The following MAD1L1 variants were observed in gnomAD, a reference collection of about 807,000 sequenced individuals.
MAD1L1 encodes mitotic spindle assembly checkpoint protein MAD1.
Under a neutral mutation model 96.9 loss-of-function variants are expected in MAD1L1, and 95 were observed. The observed-to-expected ratio is 0.98, with a 90% CI of 0.83 to 1.16. MAD1L1 has a LOEUF of 1.16. Among genes scored for constraint, MAD1L1 ranks in the 50% most tolerant of loss-of-function variants. The probability of loss-of-function intolerance (pLI) is 0.00; values close to 1 mark genes in which losing one functional copy is unlikely to be tolerated. For missense variants in MAD1L1, 1,007 were observed against 954.4 expected (o/e 1.06, Z -0.73); for synonymous variants, 473 against 396.6 (o/e 1.19, Z -2.29).
intron 10 of MAD1L1, among the ~76,000 whole-genome samples, chr7:2,172,555 G>A (rs891620847): frequency 5.3e-5 from 8 of 152,222 alleles, no homozygotes; most frequent in African/African-American, 9.6e-5. Context: ...AACAGAAAAC[G>A]GGAGGGCGCC....
At chr7:2,133,749 T>C (rs1052879436) in intron 11 of MAD1L1, among the ~76,000 whole-genome samples, 1 of 152,234 alleles carries the variant, frequency 6.6e-6, no homozygotes, top group Non-Finnish European at 1.5e-5. Context: ...TGTCTAGATT[T>C]TTCCCCTGTG....
intron 18 of MAD1L1, among the ~76,000 whole-genome samples, chr7:1,831,001 A>G (rs1289844330): frequency 3.3e-5 from 5 of 152,296 alleles, no homozygotes; most frequent in African/African-American, 1.2e-4. Context: ...TAAGAAGCAC[A>G]TTTTAACTAT....
intron 10 of MAD1L1, among the ~76,000 whole-genome samples, chr7:2,168,357 T>TG (rs971882255): frequency 3.3e-5 from 5 of 152,048 alleles, no homozygotes; most frequent in African/African-American, 1.2e-4. Context: ...AAAGGCAATG[T>TG]GGGAACAAAG....
chr7:1,894,267 C>A (rs987456215), intron 18 of MAD1L1, among the ~76,000 whole-genome samples: 1 of 152,192 alleles, frequency 6.6e-6, no homozygotes, highest in Non-Finnish European at 1.5e-5. Context: ...AACGGCCTCA[C>A]CCAGTGAAGG....
chr7:1,836,218 T>C (rs542549371), intron 18 of MAD1L1, among the ~76,000 whole-genome samples: 72 of 152,202 alleles, frequency 4.7e-4, no homozygotes, highest in Middle Eastern at 3.4e-3. Flanking sequence ...GATGGGGTTT[T>C]ACCATGTTGG....
chr7:1,885,518 G>T lies in MAD1L1; in HGVS notation c.1998+12682C>A, dbSNP rs562218040. 3.3e-5 allele frequency among the ~76,000 whole-genome samples: 5 copies of T among 152,290 alleles called. No individual in the cohort carries two copies. In the East Asian group the frequency reaches 9.7e-4, roughly 29 times the overall value. On this transcript the variant is annotated intron_variant, in intron 18 of 18. Coordinates refer to ENST00000265854, the MANE Select transcript of MAD1L1 (RefSeq NM_001013836.2). Reference sequence around the variant, plus strand: ...GGGCCACAGGGGTGCGGTCGGAAGGGCAGATTTCAGGCGAATGTGTGACAC... The same window carrying T: ...GGGCCACAGGGGTGCGGTCGGAAGGTCAGATTTCAGGCGAATGTGTGACAC...
intron 11 of MAD1L1, among the ~76,000 whole-genome samples, chr7:2,112,875 A>AG (rs200220537): frequency 0.027 from 4,047 of 152,086 alleles, 95 homozygotes; most frequent in South Asian, 0.088. Context: ...AAAAAAAAAA[A>AG]GGCTTTAAAA....
intron 17 of MAD1L1, among the ~76,000 whole-genome samples, chr7:1,924,981 AC>A (rs1181341587): frequency 6.6e-6 from 1 of 152,232 alleles, no homozygotes; most frequent in East Asian, 1.9e-4. Flanking sequence ...AGACATAGAT[AC>A]ATCAAAATGG....
At chr7:1,965,712 C>T (rs992708980) in intron 15 of MAD1L1, among the ~76,000 whole-genome samples, 8 of 152,262 alleles carry the variant, frequency 5.3e-5, no homozygotes, top group African/African-American at 1.4e-4. Flanking sequence ...AGGCAGGAGC[C>T]GTGCTCTCTG....
chr7:1,865,149 G>C (rs951490056), intron 18 of MAD1L1, among the ~76,000 whole-genome samples: 2 of 152,148 alleles, frequency 1.3e-5, no homozygotes, highest in African/African-American at 4.8e-5. Flanking sequence ...TGGGACTCCC[G>C]GAAGGGGGCA....
intron 10 of MAD1L1, among the ~76,000 whole-genome samples, chr7:2,158,424 G>C (rs1478432368): frequency 6.6e-6 from 1 of 152,164 alleles, no homozygotes. Context: ...GACACCTCAA[G>C]CTTTCAAAGA....
At chr7:1,920,011 AGGTCCCCAGTGACACG>A (rs1788676348) in intron 17 of MAD1L1, among the ~76,000 whole-genome samples, 3 of 5,478 alleles carry the variant, frequency 5.5e-4, no homozygotes, top group African/African-American at 2.3e-3. Flanking sequence ...AGTGACACGG[AGGTCCCCAGTGACACG>A]GAGGTCCCCA....
At chr7:2,197,622 G>A (rs1389143541) in intron 10 of MAD1L1, among the ~76,000 whole-genome samples, 1 of 152,162 alleles carries the variant, frequency 6.6e-6, no homozygotes, top group East Asian at 1.9e-4. Flanking sequence ...GTGAGGCACT[G>A]GCCCTCAGGC....
intron 12 of MAD1L1, among the ~76,000 whole-genome samples, chr7:2,059,695 T>C (rs188056829): frequency 6.6e-6 from 1 of 150,532 alleles, no homozygotes; most frequent in Non-Finnish European, 1.5e-5. Flanking sequence ...CAGGGAAGCG[T>C]AGCCAGGGGA....
At chr7:1,887,202 G>A (rs984600913) in intron 18 of MAD1L1, among the ~76,000 whole-genome samples, 3 of 152,248 alleles carry the variant, frequency 2.0e-5, no homozygotes, top group Admixed American at 1.3e-4. Flanking sequence ...AGAGACAGAG[G>A]CCAACTGTGA....
chr7:2,144,167 C>G (rs1198882806), intron 11 of MAD1L1, among the ~76,000 whole-genome samples: 1 of 152,202 alleles, frequency 6.6e-6, no homozygotes, highest in Non-Finnish European at 1.5e-5. Context: ...GCTGTTTAGC[C>G]CGGGGCTCAA....
At chr7:1,930,826 G>A (rs1483765824) in intron 17 of MAD1L1, among the ~76,000 whole-genome samples, 1 of 152,052 alleles carries the variant, frequency 6.6e-6, no homozygotes, top group Non-Finnish European at 1.5e-5. Flanking sequence ...CTGCAGACCT[G>A]CTGGCCTGAA....
At chr7:2,017,927 G>C (rs1014852638) in intron 12 of MAD1L1, among the ~76,000 whole-genome samples, 1 of 152,150 alleles carries the variant, frequency 6.6e-6, no homozygotes, top group Non-Finnish European at 1.5e-5. Context: ...CCTGGGCTTG[G>C]GAAGGGCAGG....
At chr7:2,207,306 T>C (rs927636503) in intron 10 of MAD1L1, among the ~76,000 whole-genome samples, 3 of 152,114 alleles carry the variant, frequency 2.0e-5, no homozygotes, top group Non-Finnish European at 2.9e-5. Flanking sequence ...GAAGAGTGTC[T>C]CTTGTGAACT....
Sources: gnomAD v4.1 joint callset for allele counts (sites outside exome capture counted in the v4.1 genomes callset) on GRCh38, gnomAD v4.1.1 for gene constraint, MANE v1.5 for transcripts, NCBI Gene and HGNC (gene_info 2026-07-23, HGNC 2026-07-21) for gene names.